The following CACNA1B variants were observed in gnomAD, a reference collection of about 807,000 sequenced individuals.
CACNA1B encodes the protein voltage-dependent N-type calcium channel subunit alpha-1B.
Under a neutral mutation model 247.2 loss-of-function variants are expected in CACNA1B, and 70 were observed. The ratio of observed to expected loss-of-function variants is 0.28; its 90% CI spans 0.23 to 0.35. The LOEUF is 0.35. Ranked by LOEUF, CACNA1B falls within the 10% of genes least tolerant of loss-of-function variation. The probability of loss-of-function intolerance (pLI) is 1.00; values close to 1 mark genes in which losing one functional copy is unlikely to be tolerated. For missense variants in CACNA1B, 2,367 were observed against 3,197.4 expected (o/e 0.74, Z 6.26); for synonymous variants, 1,231 against 1,294.4 (o/e 0.95, Z 1.05).
rs1956862802 is a variant in CACNA1B, at chr9:137,878,224, T to C, written c.284+7T>C. On this transcript the variant is annotated splice_region_variant and intron_variant, in intron 1 of 46. Coordinates refer to ENST00000371372, the MANE Select transcript of CACNA1B (RefSeq NM_000718.4). ...AGCGCATCACCGAGTGGCCATATCC[T>C]GCCGGGCGGGGCCGGGCGGGGCCGG... 2 of 555,040 alleles carry C rather than the reference T, an allele frequency of 3.6e-6. No individual in the cohort carries two copies. Among genetic ancestry groups the C allele is most frequent in the Non-Finnish European group, 4.8e-6 (2 of 414,170 alleles). The allele number at this position is 555,040 out of a possible 1,614,324, so 34.4% of individuals were successfully genotyped here.
rs957221751 is a variant in CACNA1B, at chr9:137,974,580, G to A, written c.1544-1327G>A. Among the ~76,000 whole-genome samples the A allele has an allele frequency of 2.0e-5, 3 of 152,174 alleles. No individual in the cohort carries two copies. Among genetic ancestry groups the A allele is most frequent in the South Asian group, 2.1e-4 (1 of 4,822 alleles). On this transcript the variant is annotated intron_variant, in intron 11 of 46. Transcript: ENST00000371372. The surrounding 1 kb of genome is among the most constrained non-coding windows in gnomAD (Gnocchi z 4.5). ...TCTGGGCTGCTGCAGACTTGCCCCC[G>A]ACCGAGGCTGTCTGGACCTGTGCAG...
At chr9:137,890,042 T>A (rs544496150) in intron 3 of CACNA1B, 1 of 149,438 alleles carries the variant, frequency 6.7e-6, no homozygotes, top group Non-Finnish European at 1.5e-5. Context: ...CTTGGGAGGC[T>A]GACCCTGGCC....
chr9:138,024,926 C>T lies in CACNA1B; in HGVS notation c.3069-29C>T, dbSNP rs200672636. On this transcript the variant is annotated intron_variant, in intron 19 of 46. Coordinates refer to ENST00000371372, the MANE Select transcript of CACNA1B (RefSeq NM_000718.4). ...GGATCACAGGTGTGAGCCACTGCGC[C>T]GAGGCCTGATGTACATTCTTGATTG... 1.5e-5 allele frequency: 23 copies of T among 1,497,548 alleles called. No individual in the cohort carries two copies. Among genetic ancestry groups the T allele is most frequent in the South Asian group, 6.0e-5 (5 of 83,012 alleles). 92.8% of individuals were successfully genotyped at this position (1,497,548 alleles called of 1,614,324 possible). A position where few individuals can be genotyped will look rare whatever the true frequency, so the allele number is the denominator to read the frequency against.
intron 31 of CACNA1B, among the ~76,000 whole-genome samples, chr9:138,063,706 C>T (rs1037533968): frequency 2.0e-5 from 3 of 152,224 alleles, no homozygotes; most frequent in Non-Finnish European, 4.4e-5. Context: ...AAATCTCCCA[C>T]AGCAGTGGGT....
In CACNA1B at chr9:137,986,633, C is replaced by T. The variant is rs1236998084; in HGVS notation, c.1901+89C>T. The T allele has an allele frequency of 4.0e-6, 6 of 1,516,626 alleles. No homozygotes were observed. The highest frequency in any genetic ancestry group is 1.1e-5 in the South Asian group (1 of 88,044). 93.9% of individuals were successfully genotyped at this position (1,516,626 alleles called of 1,614,324 possible). A position where few individuals can be genotyped will look rare whatever the true frequency, so the allele number is the denominator to read the frequency against. Reference sequence around the variant, plus strand: ...GACGGTGCCGCCCAGGCTGCCTCCACCCACCTTCCCACCAGGAAGGTCCTC... The same window carrying T: ...GACGGTGCCGCCCAGGCTGCCTCCATCCACCTTCCCACCAGGAAGGTCCTC... On this transcript the variant is annotated intron_variant, in intron 14 of 46. Transcript: ENST00000371372. The surrounding 1 kb of genome is among the most constrained non-coding windows in gnomAD (Gnocchi z 6.0).
At chr9:137,878,779 G>C (rs977242369) in intron 1 of CACNA1B, among the ~76,000 whole-genome samples, 1 of 152,158 alleles carries the variant, frequency 6.6e-6, no homozygotes, top group Non-Finnish European at 1.5e-5. Context: ...GGGCGGAGCC[G>C]GGCCGGAGGC....
At chr9:137,886,651 C>T (rs1158950442) in intron 3 of CACNA1B, among the ~76,000 whole-genome samples, 1 of 150,962 alleles carries the variant, frequency 6.6e-6, no homozygotes, top group African/African-American at 2.4e-5. Context: ...TGGTGCACAG[C>T]GGCATAGGCG....
intron 1 of CACNA1B, among the ~76,000 whole-genome samples, chr9:137,878,707 CG>C (rs1956871751): frequency 6.6e-6 from 1 of 152,136 alleles, no homozygotes; most frequent in Non-Finnish European, 1.5e-5. Context: ...TGCGCCTGCG[CG>C]GGGTCTCCCT....
intron 44 of CACNA1B, 46 bp downstream of exon 44, chr9:138,118,814 GGTGGGGAA>G: frequency 1.2e-6 from 1 of 862,390 alleles, no homozygotes; most frequent in Non-Finnish European, 1.8e-6. Flanking sequence ...GCAAGTGGGG[GGTGGGGAA>G]GTGGGGCTGT....
rs369318195 is a variant in CACNA1B at position 138,112,388 on chromosome 9, C to T, written c.5429-10C>T. The T allele has an allele frequency of 1.2e-6, 2 of 1,601,756 alleles. No homozygotes were observed. The highest frequency in any genetic ancestry group is 1.7e-6 in the Non-Finnish European group (2 of 1,168,838). On this transcript the variant is annotated splice_polypyrimidine_tract_variant and intron_variant, in intron 39 of 46. Coordinates refer to ENST00000371372, the MANE Select transcript of CACNA1B (RefSeq NM_000718.4). ...GTCTTTTCCCCTTCCCCACCATCAT[C>T]CTGGTGCAGCTGGGACAAAGCAGCA...
Position 138,058,662 on chromosome 9 carries a change from G to A in CACNA1B, c.4402G>A (p.Val1468Met). The A allele has an allele frequency of 8.1e-6, 13 of 1,613,530 alleles. No individual in the cohort carries two copies. Among genetic ancestry groups the A allele is most frequent in the East Asian group, 6.7e-5 (3 of 44,874 alleles). The change falls in exon 29 of 47, where the codon GTG (valine) becomes ATG (methionine). Residue 1468 changes from valine (V) to methionine (M), a missense_variant. Val to Met is a conservative substitution (Grantham distance 21). Coordinates refer to ENST00000371372, the MANE Select transcript of CACNA1B (RefSeq NM_000718.4). The surrounding 1 kb of genome is among the most constrained non-coding windows in gnomAD (Gnocchi z 4.7). ...GTTCCAGTATAAGACGTGGACATTT[G>A]TGGTCTCCCCGCCCTTTGAATACTT... ...QSFQYKTWTF[V>M]VSPPFEYFIM...
rs922232925 is a variant in CACNA1B, at chr9:137,878,339, G to T, written c.284+122G>T. 7.8e-6 allele frequency: 7 copies of T among 894,892 alleles called. No homozygotes were observed. The East Asian group carries it at 1.1e-4, about 14-fold the overall frequency. The allele number at this position is 894,892 out of a possible 1,614,324, so 55.4% of individuals were successfully genotyped here. On this transcript the variant is annotated intron_variant, in intron 1 of 46. Transcript: ENST00000371372. ...GGGAGGCGTCGGGAGACGGGCGAGG[G>T]GGGTACGGAGCGCCCCAGGGCCCCT...
intron 37 of CACNA1B, among the ~76,000 whole-genome samples, chr9:138,097,237 G>C (rs572506263): frequency 6.6e-6 from 1 of 152,186 alleles, no homozygotes; most frequent in East Asian, 1.9e-4. Context: ...ATCTGTCATC[G>C]TGGGAAAGGT....
At chr9:137,982,419 A>C (rs981320412) in intron 12 of CACNA1B, among the ~76,000 whole-genome samples, 1 of 152,224 alleles carries the variant, frequency 6.6e-6, no homozygotes, top group Admixed American at 6.5e-5. Context: ...GACAGAAACC[A>C]GTCCTTTTGT....
intron 15 of CACNA1B, among the ~76,000 whole-genome samples, chr9:138,003,433 C>T (rs1340629311): frequency 6.6e-6 from 1 of 151,690 alleles, no homozygotes; most frequent in African/African-American, 2.4e-5. Flanking sequence ...AGCCACCACT[C>T]CTGGCCGTGT....
At chr9:138,087,742 C>T (rs1429697850) in intron 36 of CACNA1B, among the ~76,000 whole-genome samples, 1 of 122,190 alleles carries the variant, frequency 8.2e-6, no homozygotes, top group South Asian at 2.7e-4. Flanking sequence ...AAAAAAAAGA[C>T]AGAAAAAGAG....
intron 10 of CACNA1B, among the ~76,000 whole-genome samples, chr9:137,960,417 GAGGTCAGCCTGAGAGACGGA>G (rs1958004478): frequency 4.6e-4 from 5 of 10,892 alleles, no homozygotes; most frequent in Admixed American, 1.0e-3. Flanking sequence ...AGGGGGAGGG[GAGGTCAGCCTGAGAGACGGA>G]GGGGGAGGGG....
At chr9:137,992,594 C>T (rs372397875) in intron 15 of CACNA1B, among the ~76,000 whole-genome samples, 2 of 152,120 alleles carry the variant, frequency 1.3e-5, no homozygotes, top group African/African-American at 4.8e-5. Context: ...ATGGACTTAA[C>T]AGGTATTTAC....
chr9:138,062,451 T>C (rs535614971), intron 31 of CACNA1B, among the ~76,000 whole-genome samples: 1 of 152,328 alleles, frequency 6.6e-6, no homozygotes, highest in Admixed American at 6.5e-5. Context: ...TTGTGTGCTG[T>C]GTCCTCTAGA....
Sources: gnomAD v4.1 joint callset for allele counts (sites outside exome capture counted in the v4.1 genomes callset) on GRCh38, gnomAD v4.1.1 for gene constraint, Gnocchi (gnomAD v3.1) non-coding constraint, MANE v1.5 for transcripts, NCBI Gene and HGNC (gene_info 2026-07-23, HGNC 2026-07-21) for gene names.